The following MIPOL1 variants were observed in gnomAD, a reference collection of about 807,000 sequenced individuals.
MIPOL1 encodes mirror-image polydactyly 1, also known as mirror-image polydactyly gene 1 protein.
A neutral mutation model predicts 60.9 loss-of-function variants in MIPOL1; 57 were observed. The observed-to-expected ratio is 0.94, with a 90% CI of 0.76 to 1.17. MIPOL1 has a LOEUF of 1.17. Among genes scored for constraint, MIPOL1 ranks in the 50% most tolerant of loss-of-function variants. MIPOL1 has a pLI of 0.00. For synonymous variants in MIPOL1, 179 were observed against 168.8 expected (o/e 1.06, Z -0.47); for missense variants, 551 against 511.6 (o/e 1.08, Z -0.74).
At chr14:37,209,662 A>T (rs905622693) in intron 1 of MIPOL1, among the ~76,000 whole-genome samples, 18 of 152,138 alleles carry the variant, frequency 1.2e-4, no homozygotes, top group African/African-American at 4.1e-4. Context: ...TCCATCTCAA[A>T]ACAGAAAAGA....
At chr14:37,239,524 G>GT (rs1478978794) in intron 1 of MIPOL1, among the ~76,000 whole-genome samples, 2 of 151,816 alleles carry the variant, frequency 1.3e-5, no homozygotes, top group African/African-American at 2.4e-5. Context: ...CTATAATGTG[G>GT]TAAAAAAAAG....
chr14:37,389,552 C>T (rs1020827367), intron 10 of MIPOL1, among the ~76,000 whole-genome samples: 1 of 151,442 alleles, frequency 6.6e-6, no homozygotes, highest in East Asian at 1.9e-4. Context: ...GTTCTATCTT[C>T]TGAGGCTTGA....
At chr14:37,244,388 T>TG (rs1972851526) in intron 1 of MIPOL1, among the ~76,000 whole-genome samples, 1 of 152,000 alleles carries the variant, frequency 6.6e-6, no homozygotes, top group Non-Finnish European at 1.5e-5. Context: ...CCCAAAGTGC[T>TG]GGGATTACAG....
At chr14:37,347,115 A>G (rs899254217) in intron 9 of MIPOL1, among the ~76,000 whole-genome samples, 1 of 152,228 alleles carries the variant, frequency 6.6e-6, no homozygotes, top group African/African-American at 2.4e-5. Flanking sequence ...AGGAATGTCT[A>G]CTAAAGATGG....
At chr14:37,362,523 C>T (rs1033083058) in intron 9 of MIPOL1, among the ~76,000 whole-genome samples, 3 of 152,190 alleles carry the variant, frequency 2.0e-5, no homozygotes, top group Non-Finnish European at 2.9e-5. Context: ...TGACCTTTCT[C>T]TCTGGCTGCA....
At chr14:37,249,044 AG>A (rs1419241586) in intron 3 of MIPOL1, among the ~76,000 whole-genome samples, 1 of 152,144 alleles carries the variant, frequency 6.6e-6, no homozygotes, top group East Asian at 1.9e-4. Flanking sequence ...ACAGTCAGAT[AG>A]ATAAGAGCAG....
At chr14:37,348,974 C>T (rs1277612826) in intron 9 of MIPOL1, among the ~76,000 whole-genome samples, 1 of 144,078 alleles carries the variant, frequency 6.9e-6, no homozygotes, top group African/African-American at 2.5e-5. Flanking sequence ...CCACCATGCC[C>T]AGCTAATTCT....
At position 37,356,190 on chromosome 14, in the gene MIPOL1, C is replaced by T. The variant is rs529498410; in HGVS notation, c.829-13327C>T. Among the ~76,000 whole-genome samples the T allele has an allele frequency of 2.0e-5, 3 of 151,888 alleles. No homozygotes were observed. The East Asian group carries it at 5.8e-4, about 30-fold the overall frequency. On this transcript the variant is annotated intron_variant, in intron 9 of 12. Transcript: ENST00000684589. The stretch of plus-strand genomic sequence containing the variant: ...TGTGTGAGGTGTCAGTCTGTCCCTG[C>T]TGGGGTGTGCCTCCCAGTTAGGCTT...
chr14:37,215,672 C>A (rs1363452633), intron 1 of MIPOL1, among the ~76,000 whole-genome samples: 1 of 152,126 alleles, frequency 6.6e-6, no homozygotes, highest in Non-Finnish European at 1.5e-5. Context: ...ACTAAACTCT[C>A]CAGTCAGAAG....
intron 11 of MIPOL1, among the ~76,000 whole-genome samples, chr14:37,492,933 T>G (rs1004249809): frequency 6.6e-6 from 1 of 152,030 alleles, no homozygotes; most frequent in African/African-American, 2.4e-5. Context: ...AAGAACAAAA[T>G]TACCCCTGGT....
chr14:37,516,838 A>C (rs930285302), intron 12 of MIPOL1, among the ~76,000 whole-genome samples: 1 of 152,168 alleles, frequency 6.6e-6, no homozygotes, highest in African/African-American at 2.4e-5. Flanking sequence ...TGTAGTTCAT[A>C]AAATATTTAA....
intron 12 of MIPOL1, among the ~76,000 whole-genome samples, chr14:37,545,245 A>G (rs1325214024): frequency 1.3e-5 from 2 of 152,220 alleles, no homozygotes; most frequent in African/African-American, 2.4e-5. Flanking sequence ...GATTTTAACA[A>G]TAAACTTAAA....
intron 3 of MIPOL1, among the ~76,000 whole-genome samples, chr14:37,259,723 A>G (rs1389161432): frequency 1.3e-5 from 2 of 152,080 alleles, no homozygotes; most frequent in Non-Finnish European, 2.9e-5. Context: ...TCTCAAAGCA[A>G]TTTTTTAATA....
intron 12 of MIPOL1, among the ~76,000 whole-genome samples, chr14:37,525,309 G>A (rs971884757): frequency 1.3e-5 from 2 of 152,140 alleles, no homozygotes; most frequent in African/African-American, 4.8e-5. Flanking sequence ...GTAGTACTGT[G>A]GGGACACTTA....
At chr14:37,343,458 C>T (rs1459527042) in intron 9 of MIPOL1, among the ~76,000 whole-genome samples, 1 of 152,128 alleles carries the variant, frequency 6.6e-6, no homozygotes, top group Non-Finnish European at 1.5e-5. Flanking sequence ...GTACATAATT[C>T]ACATTGACAC....
chr14:37,228,729 C>G (rs1350971584), intron 1 of MIPOL1, among the ~76,000 whole-genome samples: 1 of 152,144 alleles, frequency 6.6e-6, no homozygotes, highest in Non-Finnish European at 1.5e-5. Flanking sequence ...ATCAACTTAT[C>G]AAAAATACTT....
chr14:37,263,041 G>T (rs1345762101), intron 3 of MIPOL1, among the ~76,000 whole-genome samples: 1 of 152,116 alleles, frequency 6.6e-6, no homozygotes, highest in African/African-American at 2.4e-5. Flanking sequence ...GATTTATTGG[G>T]TAGCATCAAT....
intron 1 of MIPOL1, among the ~76,000 whole-genome samples, chr14:37,244,256 G>A (rs1387036205): frequency 5.3e-5 from 8 of 151,056 alleles, no homozygotes; most frequent in Non-Finnish European, 1.2e-4. Context: ...AGTAGCTGGG[G>A]ACTACAGGTG....
intron 11 of MIPOL1, 51 bp downstream of exon 11, chr14:37,423,000 T>A: frequency 8.8e-7 from 1 of 1,134,790 alleles, no homozygotes; most frequent in Non-Finnish European, 1.3e-6. Flanking sequence ...GTTTGGGAAA[T>A]GTTTCTACCT....
Sources: gnomAD v4.1 joint callset for allele counts (sites outside exome capture counted in the v4.1 genomes callset) on GRCh38, gnomAD v4.1.1 for gene constraint, MANE v1.5 for transcripts, NCBI Gene and HGNC (gene_info 2026-07-23, HGNC 2026-07-21) for gene names.